ARID5B: variants seen among roughly 807,000 people sequenced by gnomAD.
The protein encoded by ARID5B is AT-rich interaction domain 5B.
A neutral mutation model predicts 97.2 loss-of-function variants in ARID5B; 13 were observed. That is an observed-to-expected ratio of 0.13 (90% confidence interval 0.09 to 0.21). The LOEUF (loss-of-function observed/expected upper bound fraction) is 0.21. ARID5B is among the 10% of genes least tolerant of loss of function. ARID5B has a pLI of 1.00. For missense variants in ARID5B, 1,210 were observed against 1,465.3 expected (o/e 0.83, Z 2.84); for synonymous variants, 556 against 570.3 (o/e 0.97, Z 0.36).
At chr10:62,009,056 TTGGTAA>T (rs1839183222) in intron 4 of ARID5B, among the ~76,000 whole-genome samples, 1 of 152,232 alleles carries the variant, frequency 6.6e-6, no homozygotes, top group African/African-American at 2.4e-5. Flanking sequence ...TTGCCATGAT[TTGGTAA>T]TGGGTTTTCA....
At chr10:61,902,482 C>G in intron 2 of ARID5B, 69 bp downstream of exon 2, 1 of 1,564,344 alleles carries the variant, frequency 6.4e-7, no homozygotes, top group Non-Finnish European at 8.7e-7. Flanking sequence ...TATTACAGGG[C>G]AAGCTTGAAA....
intron 4 of ARID5B, among the ~76,000 whole-genome samples, chr10:62,019,856 C>G (rs1839332661): frequency 6.6e-6 from 1 of 152,160 alleles, no homozygotes; most frequent in Admixed American, 6.5e-5. Context: ...AAGATTTGCT[C>G]CTAGGGAGCC....
chr10:61,985,189 C>A (rs1453628887), intron 3 of ARID5B, among the ~76,000 whole-genome samples: 1 of 151,884 alleles, frequency 6.6e-6, no homozygotes, highest in Non-Finnish European at 1.5e-5. Flanking sequence ...TCTGCTGTGA[C>A]TCTTGTCAGA....
chr10:62,063,945 C>G (rs1839954786), intron 7 of ARID5B, among the ~76,000 whole-genome samples: 1 of 152,158 alleles, frequency 6.6e-6, no homozygotes, highest in South Asian at 2.1e-4. Context: ...CACTTGATGG[C>G]AAGCCAGAGG....
intron 3 of ARID5B, among the ~76,000 whole-genome samples, chr10:61,999,714 T>C (rs547649790): frequency 2.2e-4 from 34 of 152,320 alleles, no homozygotes; most frequent in African/African-American, 8.2e-4. Context: ...GAAATAAATG[T>C]AAAGAAGCCC....
intron 3 of ARID5B, among the ~76,000 whole-genome samples, chr10:61,954,174 A>T (rs939227725): frequency 6.6e-6 from 1 of 152,088 alleles, no homozygotes; most frequent in Non-Finnish European, 1.5e-5. Context: ...CCTGACCAAC[A>T]TGGAGAAACC....
At chr10:62,047,558 G>A (rs1564636084) in intron 4 of ARID5B, among the ~76,000 whole-genome samples, 1 of 152,122 alleles carries the variant, frequency 6.6e-6, no homozygotes, top group Non-Finnish European at 1.5e-5. Context: ...AACAAGAGCT[G>A]GTCTAATTCT....
At chr10:61,965,132 G>A (rs1257225306) in intron 3 of ARID5B, among the ~76,000 whole-genome samples, 1 of 152,194 alleles carries the variant, frequency 6.6e-6, no homozygotes, top group Non-Finnish European at 1.5e-5. Flanking sequence ...ACACAAAAAG[G>A]TAAACATTGC....
At chr10:61,909,246 C>G (rs1004637976) in intron 2 of ARID5B, among the ~76,000 whole-genome samples, 1 of 151,104 alleles carries the variant, frequency 6.6e-6, no homozygotes, top group Non-Finnish European at 1.5e-5. Context: ...CACCATAGTG[C>G]TGTTCTCAGG....
chr10:62,058,352 ATGT>A (rs1457966635), intron 6 of ARID5B, among the ~76,000 whole-genome samples: 2 of 152,184 alleles, frequency 1.3e-5, no homozygotes, highest in African/African-American at 2.4e-5. Context: ...CTTTGCGAAC[ATGT>A]TGTGTCAAAG....
Position 62,091,835 on chromosome 10 carries a change from A to G in ARID5B, c.2372A>G (p.His791Arg), listed in dbSNP as rs1840379184. The G allele has an allele frequency of 6.2e-7, 1 of 1,614,066 alleles. No individual in the cohort carries two copies. The highest frequency in any genetic ancestry group is 1.1e-5 in the South Asian group (1 of 91,086). ...CCCCACCGCTGCAGCTTCTCCAAGC[A>G]TCACCTTAACCCCCTTGCTGACTCC... The part of the protein sequence containing the change: ...SDPHRCSFSK[H>R]HLNPLADSYV... The change falls in exon 10 of 10, where the codon CAT becomes CGT. Residue 791 changes from histidine (H) to arginine (R), a missense_variant. Coordinates refer to ENST00000279873, the MANE Select transcript of ARID5B (RefSeq NM_032199.3).
intron 4 of ARID5B, among the ~76,000 whole-genome samples, chr10:62,033,959 G>A (rs1839529347): frequency 6.6e-6 from 1 of 152,144 alleles, no homozygotes; most frequent in South Asian, 2.1e-4. Flanking sequence ...TATGAAACTT[G>A]GGTCTCCAAC....
intron 4 of ARID5B, among the ~76,000 whole-genome samples, chr10:62,026,320 A>G (rs995926005): frequency 6.6e-6 from 1 of 152,234 alleles, no homozygotes. Context: ...GGTGTGGGCA[A>G]TGAGTGTGCT....
intron 2 of ARID5B, among the ~76,000 whole-genome samples, chr10:61,923,288 G>A (rs1051825006): frequency 1.3e-5 from 2 of 151,978 alleles, no homozygotes; most frequent in African/African-American, 4.8e-5. Context: ...TCTTTCTCAG[G>A]GTCTGAGCAG....
chr10:62,077,795 G>A (rs1291868367), intron 8 of ARID5B, among the ~76,000 whole-genome samples: 1 of 152,122 alleles, frequency 6.6e-6, no homozygotes, highest in Non-Finnish European at 1.5e-5. Flanking sequence ...TTATCATTAA[G>A]ATTAAATAAC....
intron 3 of ARID5B, among the ~76,000 whole-genome samples, chr10:61,941,252 T>C (rs78385480): frequency 0.05 from 7,510 of 151,338 alleles, 257 homozygotes; most frequent in East Asian, 0.13. Flanking sequence ...CTATTGCTTT[T>C]TCTTAACACT....
chr10:61,994,001 T>C (rs1270354952), intron 3 of ARID5B, among the ~76,000 whole-genome samples: 2 of 152,158 alleles, frequency 1.3e-5, no homozygotes, highest in Admixed American at 1.3e-4. Flanking sequence ...AAGAAAACTG[T>C]ATGTTGTCTT....
intron 2 of ARID5B, among the ~76,000 whole-genome samples, chr10:61,936,673 A>G (rs1844306206): frequency 1.3e-5 from 2 of 152,268 alleles, no homozygotes; most frequent in Middle Eastern, 3.4e-3. Context: ...ATCTAAAATC[A>G]TCTCTGCATG....
intron 3 of ARID5B, among the ~76,000 whole-genome samples, chr10:61,944,153 T>G (rs540900890): frequency 6.6e-6 from 1 of 152,258 alleles, no homozygotes; most frequent in African/African-American, 2.4e-5. Flanking sequence ...ATATTTTACC[T>G]TCTTTCAGAC....
Sources: allele counts gnomAD v4.1 joint callset (sites outside exome capture counted in the v4.1 genomes callset), GRCh38; gene constraint gnomAD v4.1.1; transcripts MANE v1.5; gene names NCBI Gene and HGNC (gene_info 2026-07-23, HGNC 2026-07-21).